The following ZZEF1 variants were observed in gnomAD, a reference collection of about 807,000 sequenced individuals.
ZZEF1 encodes the protein zinc finger ZZ-type and EF-hand domain containing 1, also known as zinc finger ZZ-type and EF-hand domain-containing protein 1.
A neutral mutation model predicts 342.8 loss-of-function variants in ZZEF1; 157 were observed. That is an observed-to-expected ratio of 0.46 (90% CI 0.40 to 0.52). The LOEUF is 0.52. ZZEF1 is among the 20% of genes least tolerant of loss of function. The pLI is 0.00. For missense variants in ZZEF1, 3,480 were observed against 3,725.6 expected (o/e 0.93, Z 1.72); for synonymous variants, 1,505 against 1,429.1 (o/e 1.05, Z -1.20).
rs148637667 is a variant in ZZEF1, at chr17:4,111,019, G to A, written c.1067-1156C>T. Among the ~76,000 whole-genome samples, 536 of 152,126 alleles carry A rather than the reference G, an allele frequency of 3.5e-3. 3 individuals carry two copies. Among genetic ancestry groups the A allele is most frequent in the African/African-American group, 0.012 (497 of 41,500 alleles). ...TGAGCCACTGCACCCAGCCAATTAC[G>A]GCATATTTTTACAACACTAAATAAG... On this transcript the variant is annotated intron_variant, in intron 5 of 54. Coordinates refer to ENST00000381638, the MANE Select transcript of ZZEF1 (RefSeq NM_015113.4).
chr17:4,057,172 C>A (rs576612742), intron 32 of ZZEF1, among the ~76,000 whole-genome samples: 3 of 152,172 alleles, frequency 2.0e-5, no homozygotes, highest in African/African-American at 7.2e-5. Flanking sequence ...CTGTGGCGTG[C>A]GGGGAGACAA....
intron 9 of ZZEF1, among the ~76,000 whole-genome samples, chr17:4,099,607 G>A (rs546452913): frequency 1.0e-4 from 15 of 149,052 alleles, no homozygotes; most frequent in South Asian, 8.5e-4. Flanking sequence ...GTGCAATGGC[G>A]CAATCTCAGC....
intron 11 of ZZEF1, among the ~76,000 whole-genome samples, chr17:4,094,332 T>TA (rs1303307782): frequency 6.6e-6 from 1 of 151,950 alleles, no homozygotes; most frequent in Non-Finnish European, 1.5e-5. Flanking sequence ...CTTTTTTTTT[T>TA]AGAGATGGGG....
At position 4,014,200 on chromosome 17, in the gene ZZEF1, A is replaced by G. The variant is rs768066274; in HGVS notation, c.8315-12T>C. The G allele has an allele frequency of 6.2e-7, 1 of 1,613,892 alleles. No homozygotes were observed. The highest frequency in any genetic ancestry group is 8.5e-7 in the Non-Finnish European group (1 of 1,179,878). On this transcript the variant is annotated splice_polypyrimidine_tract_variant and intron_variant, in intron 50 of 54. Transcript: ENST00000381638. This position sits in a 1 kb window ranked among gnomAD's most constrained non-coding sequence, Gnocchi z 4.4. ...ATACAGAGTGTCTCCTAGGCACACA[A>G]GGATCAGAGGCCCATCAGGAACTGA...
intron 2 of ZZEF1, among the ~76,000 whole-genome samples, chr17:4,122,922 C>CTTT (rs71144167): frequency 3.7e-5 from 5 of 136,692 alleles, no homozygotes; most frequent in East Asian, 2.1e-4. Flanking sequence ...TGACCTCTTC[C>CTTT]TTTTTTTTTT....
chr17:4,080,618 G>A (rs913253133), intron 18 of ZZEF1, among the ~76,000 whole-genome samples: 2 of 152,036 alleles, frequency 1.3e-5, no homozygotes, highest in African/African-American at 2.4e-5. Flanking sequence ...TTGAACTCCC[G>A]ACCTCAGGTG....
intron 36 of ZZEF1, among the ~76,000 whole-genome samples, chr17:4,050,089 T>G (rs1410531159): frequency 6.6e-6 from 1 of 152,202 alleles, no homozygotes. Flanking sequence ...TATACTTTAT[T>G]AACAACAGAA....
At chr17:4,055,340 T>C (rs1342055088) in intron 33 of ZZEF1, among the ~76,000 whole-genome samples, 1 of 152,146 alleles carries the variant, frequency 6.6e-6, no homozygotes, top group Non-Finnish European at 1.5e-5. Context: ...AACAAAGTGG[T>C]TGGCACATAG....
At chr17:4,074,023 A>T in intron 24 of ZZEF1, 127 bp downstream of exon 24, 2 of 1,076,140 alleles carry the variant, frequency 1.9e-6, no homozygotes, top group Non-Finnish European at 2.7e-6. Context: ...CTTTCGGTTT[A>T]AAGGAAACTG....
chr17:4,073,829 C>T (rs1446575739), intron 24 of ZZEF1, among the ~76,000 whole-genome samples: 1 of 152,036 alleles, frequency 6.6e-6, no homozygotes, highest in East Asian at 1.9e-4. Flanking sequence ...ATGCAATCAA[C>T]TTATTCTATA....
chr17:4,106,533 A>T (rs2058215840), intron 6 of ZZEF1, among the ~76,000 whole-genome samples: 1 of 151,908 alleles, frequency 6.6e-6, no homozygotes, highest in Admixed American at 6.6e-5. Context: ...GATCTATGGT[A>T]TCTAAAGATG....
In ZZEF1 at chr17:4,024,983, G is replaced by C. The variant is rs770946974; in HGVS notation, c.7028C>G (p.Pro2343Arg). 1.9e-6 allele frequency: 3 copies of C among 1,614,116 alleles called. No individual in the cohort carries two copies. The African/African-American group carries it at 4.0e-5, about 22-fold the overall frequency. Residue 2343 changes from proline to arginine, a missense_variant, in exon 43 of 55, where the codon CCC becomes CGC. Transcript: ENST00000381638. ...GACCCAAGTTGCTTCTACTGCCTCGGGACAATGGCTGTCCATGCTGCTTTG... is the reference window on the plus strand; with the variant it reads ...GACCCAAGTTGCTTCTACTGCCTCGCGACAATGGCTGTCCATGCTGCTTTG... Reference protein sequence around the residue: ...LLQSSMDSHCPEAVEATWVLS... With the variant: ...LLQSSMDSHCREAVEATWVLS...
intron 36 of ZZEF1, 40 bp downstream of exon 36, chr17:4,050,741 A>G (rs201141290): frequency 6.2e-7 from 1 of 1,610,158 alleles, no homozygotes; most frequent in South Asian, 1.1e-5. Flanking sequence ...TTCACCAGCA[A>G]CTGAGGGCTG....
chr17:4,065,132 G>A (rs2057367944), intron 28 of ZZEF1, among the ~76,000 whole-genome samples: 2 of 152,192 alleles, frequency 1.3e-5, no homozygotes, highest in South Asian at 2.1e-4. Flanking sequence ...GGCCTAGTGT[G>A]GTGGCTCACG....
chr17:4,053,027 G>A lies in ZZEF1; in HGVS notation c.5435-891C>T, dbSNP rs140196436. ...ATGGACCCTAAAGAATGCTCCTCGC[G>A]CCTGGCCCACTTCTGTTCATTCTCA... is the stretch of plus-strand genomic sequence containing the variant. On this transcript the variant is annotated intron_variant, in intron 34 of 54. Coordinates refer to ENST00000381638, the MANE Select transcript of ZZEF1 (RefSeq NM_015113.4). Among the ~76,000 whole-genome samples the A allele has an allele frequency of 2.4e-4, 37 of 152,200 alleles. 1 individual carries two copies. The East Asian group carries it at 3.5e-3, about 14-fold the overall frequency.
Position 4,095,966 on chromosome 17 carries a change from C to A in ZZEF1, c.1778G>T (p.Gly593Val), listed in dbSNP as rs147615812. ...CACCAACCCACACTGGGCACCAATG[C>A]CACCACGTCGAACCTGGAAACAGAG... ...TQIRIMVRRG[G>V]IGAQCGLVFA... The change falls in exon 11 of 55, where the codon GGC (glycine) becomes GTC (valine). Residue 593 changes from glycine (G) to valine (V), a missense_variant. Transcript: ENST00000381638. 9.3e-6 allele frequency: 15 copies of A among 1,609,804 alleles called. No homozygotes were observed. The highest frequency in any genetic ancestry group is 1.3e-5 in the Non-Finnish European group (15 of 1,177,502).
chr17:4,064,711 G>GA lies in ZZEF1; in HGVS notation c.4367dup (p.Asn1457GlnfsTer22). The GA allele has an allele frequency of 6.2e-7, 1 of 1,614,164 alleles. No individual in the cohort carries two copies. The highest frequency in any genetic ancestry group is 8.5e-7 in the Non-Finnish European group (1 of 1,180,032). ...CAGAGCTTGTCCTCTGACGCTTGTT[G>GA]AGTGGCTGGAGATGACTGGTTTCAT... On this transcript the variant is annotated frameshift_variant, in exon 29 of 55. Transcript: ENST00000381638. LOFTEE classifies it high-confidence loss of function.
At chr17:4,114,241 G>T in intron 4 of ZZEF1, 58 bp downstream of exon 4, 1 of 1,354,278 alleles carries the variant, frequency 7.4e-7, no homozygotes, top group Non-Finnish European at 9.7e-7. Context: ...AGAGTAGGCA[G>T]TTAAGAAGAA....
At position 4,131,429 on chromosome 17, in the gene ZZEF1, A is replaced by T. The variant is rs552236287; in HGVS notation, c.355-7378T>A. On this transcript the variant is annotated intron_variant, in intron 1 of 54. Transcript: ENST00000381638. ...AATTAATGATAAAAGACTGAAAATT[A>T]GGAAAATTAAAGTATGTATTCAATT... Among the ~76,000 whole-genome samples, 8 of 152,206 alleles carry T rather than the reference A, an allele frequency of 5.3e-5. No individual in the cohort carries two copies. In the South Asian group the frequency reaches 1.5e-3, roughly 28 times the overall value.
Sources: allele counts gnomAD v4.1 joint callset (sites outside exome capture counted in the v4.1 genomes callset), GRCh38; gene constraint gnomAD v4.1.1; non-coding constraint Gnocchi (gnomAD v3.1); transcripts MANE v1.5; gene names NCBI Gene and HGNC (gene_info 2026-07-23, HGNC 2026-07-21).